Variants in DIAPH3 observed in about 807,000 individuals in gnomAD.
DIAPH3 encodes protein diaphanous homolog 3.
DIAPH3 carries 117 observed loss-of-function variants against 144.3 expected under a neutral mutation model. The observed-to-expected ratio is 0.81, with a 90% confidence interval of 0.70 to 0.95. The LOEUF (loss-of-function observed/expected upper bound fraction) is 0.95, where lower values mean the gene tolerates loss of function less well. Among genes scored for constraint, DIAPH3 ranks in the 40% least tolerant of loss-of-function variants. The pLI is 0.00. For synonymous variants in DIAPH3, 519 were observed against 488.9 expected (o/e 1.06, Z -0.81); for missense variants, 1,421 against 1,412.7 (o/e 1.01, Z -0.09).
chr13:59,840,403 T>C (rs1269896386), intron 22 of DIAPH3, among the ~76,000 whole-genome samples: 3 of 152,066 alleles, frequency 2.0e-5, no homozygotes, highest in East Asian at 1.9e-4. Flanking sequence ...TCAAGTTTTA[T>C]CTATAAGGAT....
At chr13:59,992,615 G>T in intron 9 of DIAPH3, 32 bp from the exon 10 acceptor site, 1 of 1,530,530 alleles carries the variant, frequency 6.5e-7, no homozygotes, top group Admixed American at 1.7e-5. Flanking sequence ...GACAGACTGG[G>T]TTTCCAACAT....
At chr13:59,960,276 A>G (rs182266234) in intron 17 of DIAPH3, among the ~76,000 whole-genome samples, 2 of 152,342 alleles carry the variant, frequency 1.3e-5, no homozygotes, top group East Asian at 3.9e-4. Context: ...TTTCCTTAAT[A>G]ATTTGTCACC....
At chr13:60,057,379 C>G (rs960701260) in intron 4 of DIAPH3, among the ~76,000 whole-genome samples, 14 of 152,028 alleles carry the variant, frequency 9.2e-5, no homozygotes, top group African/African-American at 3.4e-4. Context: ...CAAGAAAACA[C>G]TGCTTAAAGA....
At chr13:59,932,894 A>G (rs1228308917) in intron 17 of DIAPH3, among the ~76,000 whole-genome samples, 1 of 152,210 alleles carries the variant, frequency 6.6e-6, no homozygotes, top group Non-Finnish European at 1.5e-5. Context: ...TAATGAGTCT[A>G]TTATACAAAA....
At chr13:60,149,040 G>A (rs1324534557) in intron 1 of DIAPH3, among the ~76,000 whole-genome samples, 1 of 152,202 alleles carries the variant, frequency 6.6e-6, no homozygotes, top group Non-Finnish European at 1.5e-5. Context: ...AAGGAAGGAA[G>A]CAGAGCATGG....
intron 27 of DIAPH3, among the ~76,000 whole-genome samples, chr13:59,760,334 C>T (rs1451453359): frequency 6.6e-6 from 1 of 152,148 alleles, no homozygotes; most frequent in Non-Finnish European, 1.5e-5. Context: ...TTTAATAAAA[C>T]TCTGTTCATG....
chr13:60,107,182 G>C (rs530675158), intron 3 of DIAPH3, among the ~76,000 whole-genome samples: 5 of 151,904 alleles, frequency 3.3e-5, no homozygotes, highest in African/African-American at 1.2e-4. Flanking sequence ...CAGGATTATG[G>C]GGCATTGAAT....
intron 27 of DIAPH3, among the ~76,000 whole-genome samples, chr13:59,756,068 T>C (rs2037238696): frequency 6.6e-6 from 1 of 152,172 alleles, no homozygotes; most frequent in South Asian, 2.1e-4. Context: ...CACTTGGGAA[T>C]TGAGAAATGC....
intron 20 of DIAPH3, among the ~76,000 whole-genome samples, chr13:59,903,535 G>C (rs980392969): frequency 6.6e-6 from 1 of 150,998 alleles, no homozygotes; most frequent in Admixed American, 6.6e-5. Flanking sequence ...TCAGGAAAAC[G>C]TTCAATCTAA....
intron 20 of DIAPH3, among the ~76,000 whole-genome samples, chr13:59,889,405 A>C (rs540006177): frequency 7.2e-5 from 11 of 152,096 alleles, no homozygotes; most frequent in African/African-American, 2.2e-4. Context: ...CCACATACTA[A>C]AATTTTTAAT....
chr13:59,960,959 A>G (rs9570235), intron 17 of DIAPH3, among the ~76,000 whole-genome samples: 11,804 of 152,226 alleles, frequency 0.078, 773 homozygotes, highest in East Asian at 0.4. Flanking sequence ...AGCACTTGAC[A>G]TTTAAGACAT....
intron 4 of DIAPH3, among the ~76,000 whole-genome samples, chr13:60,079,417 A>C (rs1438024199): frequency 1.3e-5 from 2 of 152,006 alleles, no homozygotes; most frequent in Non-Finnish European, 2.9e-5. Context: ...GTAATCATAT[A>C]TGAGAATTAA....
intron 2 of DIAPH3, among the ~76,000 whole-genome samples, chr13:60,126,439 TGC>T (rs2058992435): frequency 1.3e-5 from 2 of 152,190 alleles, no homozygotes; most frequent in South Asian, 4.1e-4. Context: ...ATCTTATATA[TGC>T]ACTTTACTGC....
intron 4 of DIAPH3, among the ~76,000 whole-genome samples, chr13:60,045,405 G>A (rs1050870659): frequency 2.6e-5 from 4 of 151,914 alleles, no homozygotes; most frequent in African/African-American, 7.3e-5. Context: ...TTAGCAGCGC[G>A]AGAAAAAACT....
At chr13:59,666,899 T>C in intron 27 of DIAPH3, 53 bp from the exon 28 acceptor site, 7 of 1,597,900 alleles carry the variant, frequency 4.4e-6, no homozygotes, top group Non-Finnish European at 6.0e-6. Context: ...AACCAAGGAC[T>C]GTGCACGTTA....
chr13:60,081,247 T>C (rs2057549764), intron 4 of DIAPH3, among the ~76,000 whole-genome samples: 1 of 151,944 alleles, frequency 6.6e-6, no homozygotes. Flanking sequence ...CATAAGGAAA[T>C]GATAACACTG....
chr13:60,016,863 T>C (rs1594352978), intron 5 of DIAPH3, among the ~76,000 whole-genome samples: 1 of 152,090 alleles, frequency 6.6e-6, no homozygotes, highest in African/African-American at 2.4e-5. Flanking sequence ...TTTACATAAC[T>C]AGAACATTAC....
At chr13:59,762,135 T>C (rs1161606574) in intron 27 of DIAPH3, among the ~76,000 whole-genome samples, 2 of 138,822 alleles carry the variant, frequency 1.4e-5, no homozygotes, top group African/African-American at 5.3e-5. Context: ...CTCAACTCAC[T>C]GCAACCTCTT....
rs569492776 is a variant in DIAPH3, at chr13:60,149,713, AC to A, written c.180+13873del. Among the ~76,000 whole-genome samples, 1,398 of 146,574 alleles carry A rather than the reference AC, an allele frequency of 9.5e-3. 14 individuals are homozygous for A. The highest frequency in any genetic ancestry group is 0.018 in the South Asian group (82 of 4,544). On this transcript the variant is annotated intron_variant, in intron 1 of 27. Transcript: ENST00000400324. Reference sequence around the variant, plus strand: ...GGCTGCAGTGAGCCATGATTGTACCACTGCACGCCAGCCTGGGTGACAGAGT... The same window carrying A: ...GGCTGCAGTGAGCCATGATTGTACCATGCACGCCAGCCTGGGTGACAGAGT...
Sources: allele counts gnomAD v4.1 joint callset (sites outside exome capture counted in the v4.1 genomes callset), GRCh38; gene constraint gnomAD v4.1.1; transcripts MANE v1.5; gene names NCBI Gene and HGNC (gene_info 2026-07-23, HGNC 2026-07-21).